Variants in RYR1 observed in about 807,000 individuals in gnomAD.
RYR1 encodes the protein central core disease of muscle.
In RYR1, 342 loss-of-function variants were observed where a neutral mutation model predicts 583.5. The ratio of observed to expected loss-of-function variants is 0.59; its 90% CI spans 0.54 to 0.64. The LOEUF is 0.64. Among genes scored for constraint, RYR1 ranks in the 30% least tolerant of loss-of-function variants. RYR1 has a pLI of 0.00. For missense variants in RYR1, 6,032 were observed against 6,917.2 expected (o/e 0.87, Z 4.54); for synonymous variants, 2,791 against 2,822.5 (o/e 0.99, Z 0.35).
At chr19:38,560,135 G>A (rs557789996) in intron 89 of RYR1, among the ~76,000 whole-genome samples, 2 of 152,086 alleles carry the variant, frequency 1.3e-5, no homozygotes, top group South Asian at 4.1e-4. Context: ...AGGCGGAGGA[G>A]GGCAAATCAC....
chr19:38,478,586 A>C lies in RYR1; in HGVS notation c.4606A>C (p.Asn1536His). 2.5e-6 allele frequency: 4 copies of C among 1,612,694 alleles called. No individual in the cohort carries two copies. The highest frequency in any genetic ancestry group is 1.1e-5 in the South Asian group (1 of 91,076). The change falls in exon 31 of 106, where the codon AAC becomes CAC. Residue 1536 changes from asparagine (N) to histidine (H), a missense_variant. Transcript: ENST00000359596. ...CTTTACAGCCAATGGCAAAGAGAGC[A>C]ACACCTTTTTCCAGGTGAGTCCAGG... ...MTFTANGKES[N>H]TFFQVEPNTK...
intron 49 of RYR1, among the ~76,000 whole-genome samples, chr19:38,503,896 C>T (rs936615421): frequency 8.5e-5 from 13 of 152,164 alleles, no homozygotes; most frequent in African/African-American, 3.1e-4. Flanking sequence ...CAGATTGCTG[C>T]ATCCATATGC....
At chr19:38,463,610 G>A (rs1967910133) in intron 21 of RYR1, 83 bp downstream of exon 21, 1 of 1,499,682 alleles carries the variant, frequency 6.7e-7, no homozygotes, top group Non-Finnish European at 9.3e-7. Flanking sequence ...GGAGAGGAGG[G>A]AGGGACCACA....
chr19:38,518,863 G>C (rs1215600942), intron 66 of RYR1, among the ~76,000 whole-genome samples: 3 of 151,890 alleles, frequency 2.0e-5, no homozygotes, highest in Non-Finnish European at 4.4e-5. Context: ...GGAGGCAGAG[G>C]TTGCAGTGAG....
Position 38,525,355 on chromosome 19 carries a change from C to T in RYR1, c.10479C>T (p.Arg3493=), listed in dbSNP as rs1260640708. ...AGTCCGGTGGCTCGGACCAGGAACG[C>T]ACCAAGAAGAAGCGCCGGGGGGACC... ...DIQSGGSDQE[R]TKKKRRGDRY... Residue 3493 remains arginine (R), a synonymous_variant, in exon 71 of 106, where the codon CGC becomes CGT. Coordinates refer to ENST00000359596, the MANE Select transcript of RYR1 (RefSeq NM_000540.3). The T allele has an allele frequency of 6.2e-7, 1 of 1,613,878 alleles. No homozygotes were observed. Among genetic ancestry groups the T allele is most frequent in the South Asian group, 1.1e-5 (1 of 91,074 alleles).
intron 58 of RYR1, among the ~76,000 whole-genome samples, chr19:38,509,054 C>T (rs962797979): frequency 2.6e-5 from 4 of 151,974 alleles, no homozygotes; most frequent in African/African-American, 9.7e-5. Context: ...TAGAGACCCC[C>T]CCCAGCATTC....
intron 20 of RYR1, 29 bp from the exon 21 acceptor site, chr19:38,463,394 G>A (rs749514384): frequency 6.3e-7 from 1 of 1,590,550 alleles, no homozygotes; most frequent in Non-Finnish European, 8.6e-7. Context: ...AGGGACCTTG[G>A]GGTCTCAAGA....
chr19:38,534,576 G>T, intron 78 of RYR1, 144 bp from the exon 79 acceptor site: 1 of 734,048 alleles, frequency 1.4e-6, no homozygotes. Flanking sequence ...GAGGGTGTGA[G>T]CCCCAGGGGA....
At chr19:38,545,904 CA>C (rs1306439423) in intron 87 of RYR1, among the ~76,000 whole-genome samples, 2 of 152,154 alleles carry the variant, frequency 1.3e-5, no homozygotes, top group Non-Finnish European at 2.9e-5. Context: ...GGCCATGAGG[CA>C]AAACTTTGTA....
rs780485201 is a variant in RYR1 at position 38,528,705 on chromosome 19, G to C, written c.11034+10G>C. 6.2e-7 allele frequency: 1 copy of C among 1,613,960 alleles called. No homozygotes were observed. Among genetic ancestry groups the C allele is most frequent in the Admixed American group, 1.7e-5 (1 of 60,012 alleles). On this transcript the variant is annotated intron_variant, in intron 75 of 105. Transcript: ENST00000359596. Reference sequence around the variant, plus strand: ...GATAGATGACCTTTCAGTGAGCTGGGACCCGCCTGGGGGAGTGGGGGGCGA... The same window carrying C: ...GATAGATGACCTTTCAGTGAGCTGGCACCCGCCTGGGGGAGTGGGGGGCGA...
intron 67 of RYR1, among the ~76,000 whole-genome samples, chr19:38,522,555 G>C (rs1161816298): frequency 6.6e-6 from 1 of 152,028 alleles, no homozygotes; most frequent in Non-Finnish European, 1.5e-5. Context: ...TGAGGTTGCA[G>C]TGAGTGGAGA....
At chr19:38,553,482 A>AC (rs1332040755) in intron 89 of RYR1, among the ~76,000 whole-genome samples, 1 of 151,650 alleles carries the variant, frequency 6.6e-6, no homozygotes, top group Non-Finnish European at 1.5e-5. Context: ...CCATTGCTAA[A>AC]AAAAAAAAAA....
chr19:38,578,467 T>C (rs922600621), intron 99 of RYR1, among the ~76,000 whole-genome samples: 2 of 152,206 alleles, frequency 1.3e-5, no homozygotes, highest in African/African-American at 4.8e-5. Context: ...CCAAGGCTGG[T>C]GGATCACTGG....
chr19:38,504,889 C>T lies in RYR1; in HGVS notation c.8209C>T (p.Pro2737Ser). The change falls in exon 51 of 106, where the codon CCC (proline) becomes TCC (serine). Residue 2737 changes from proline to serine, a missense_variant. Coordinates refer to ENST00000359596, the MANE Select transcript of RYR1 (RefSeq NM_000540.3). ...ATVDAEGNFD[P>S]RPVETLNVII... ...AGTGGATGCTGAAGGCAACTTTGAT[C>T]CCCGGCCTGTGGAGACCCTCAAGTG... The T allele has an allele frequency of 6.2e-7, 1 of 1,614,122 alleles. No homozygotes were observed. The highest frequency in any genetic ancestry group is 8.5e-7 in the Non-Finnish European group (1 of 1,180,006).
At chr19:38,495,435 TC>T (rs1969773035) in intron 39 of RYR1, among the ~76,000 whole-genome samples, 1 of 152,056 alleles carries the variant, frequency 6.6e-6, no homozygotes, top group South Asian at 2.1e-4. Context: ...AGCCTCAACT[TC>T]CTGGGCTCAA....
At chr19:38,476,217 G>T (rs1399621509) in intron 29 of RYR1, among the ~76,000 whole-genome samples, 1 of 151,472 alleles carries the variant, frequency 6.6e-6, no homozygotes, top group African/African-American at 2.4e-5. Flanking sequence ...TTGTTTTTTT[G>T]AGATGGAGTC....
chr19:38,469,788 T>C (rs1473996919), intron 27 of RYR1, among the ~76,000 whole-genome samples: 1 of 151,928 alleles, frequency 6.6e-6, no homozygotes, highest in Non-Finnish European at 1.5e-5. Flanking sequence ...AAATTAAGTC[T>C]AGGCATGGTA....
At position 38,543,344 on chromosome 19, in the gene RYR1, C is replaced by G; in HGVS notation, c.11690-3C>G. The G allele has an allele frequency of 6.2e-7, 1 of 1,614,126 alleles. No individual in the cohort carries two copies. The highest frequency in any genetic ancestry group is 1.1e-5 in the South Asian group (1 of 91,084). ...CTGGATAAATGACTTTTCATCTCCC[C>G]AGATTTCCAGAACTACCTACGGACA... On this transcript the variant is annotated splice_region_variant and splice_polypyrimidine_tract_variant and intron_variant, in intron 84 of 105. Coordinates refer to ENST00000359596, the MANE Select transcript of RYR1 (RefSeq NM_000540.3). This position sits in a 1 kb window ranked among gnomAD's most constrained non-coding sequence, Gnocchi z 4.4.
chr19:38,478,551 G>A lies in RYR1; in HGVS notation c.4571G>A (p.Gly1524Asp), dbSNP rs1968859372. ...VIGCLVDLAT[G>D]LMTFTANGKE... ...GGGTGCCTGGTGGACTTGGCCACTG[G>A]CTTAATGACCTTTACAGCCAATGGC... The change falls in exon 31 of 106, where the codon GGC becomes GAC. Residue 1524 changes from glycine to aspartate, a missense_variant. This residue lies in a region of RYR1 where 2,627 missense variants were observed against 2,961.3 expected (regional missense o/e 0.89). Transcript: ENST00000359596. 1.2e-6 allele frequency: 2 copies of A among 1,613,988 alleles called. No homozygotes were observed. Among genetic ancestry groups the A allele is most frequent in the Non-Finnish European group, 1.7e-6 (2 of 1,180,030 alleles).
Sources: gnomAD v4.1 joint callset for allele counts (sites outside exome capture counted in the v4.1 genomes callset) on GRCh38, gnomAD v4.1.1 for gene constraint, gnomAD v4.1.1 regional missense constraint, Gnocchi (gnomAD v3.1) non-coding constraint, MANE v1.5 for transcripts, NCBI Gene and HGNC (gene_info 2026-07-23, HGNC 2026-07-21) for gene names.